The following COL5A1 variants were observed in gnomAD, a reference collection of about 807,000 sequenced individuals.
COL5A1 encodes collagen type V alpha 1 chain.
COL5A1 carries 16 observed loss-of-function variants against 263.7 expected under a neutral mutation model. That is an observed-to-expected ratio of 0.06 (90% CI 0.04 to 0.09). The LOEUF (loss-of-function observed/expected upper bound fraction) is 0.09. Among genes scored for constraint, COL5A1 ranks in the 10% least tolerant of loss-of-function variants. The pLI, the probability that COL5A1 is intolerant of heterozygous loss-of-function variation, is 1.00. For synonymous variants in COL5A1, 1,012 were observed against 1,004.5 expected (o/e 1.01, Z -0.14); for missense variants, 2,036 against 2,540.5 (o/e 0.80, Z 4.27).
intron 1 of COL5A1, among the ~76,000 whole-genome samples, chr9:134,666,638 T>C (rs556532449): frequency 2.7e-4 from 41 of 152,170 alleles, no homozygotes; most frequent in African/African-American, 9.6e-4. Flanking sequence ...GGCCTCAGGG[T>C]GGGGTAAGCT....
Position 134,657,756 on chromosome 9 carries a change from G to A in COL5A1, c.109+15460G>A, listed in dbSNP as rs574262161. Among the ~76,000 whole-genome samples the A allele has an allele frequency of 1.2e-4, 18 of 151,856 alleles. No homozygotes were observed. The South Asian group carries it at 2.1e-3, about 18-fold the overall frequency. ...TTTGCCCGGGGGTGCCAGGCCTGAC[G>A]GGGAAGGGCAGGGGGTGGGACAGGA... On this transcript the variant is annotated intron_variant, in intron 1 of 65. Transcript: ENST00000371817.
rs371867386 is a variant in COL5A1 at position 134,680,816 on chromosome 9, G to A, written c.110-10096G>A. On this transcript the variant is annotated intron_variant, in intron 1 of 65. Coordinates refer to ENST00000371817, the MANE Select transcript of COL5A1 (RefSeq NM_000093.5). This position sits in a 1 kb window ranked among gnomAD's most constrained non-coding sequence, Gnocchi z 5.9. ...CGGGACTTTGACATCAGGCAGAGGA[G>A]TTGGACGTTGATGGGAGCTTTTAGG... 6.6e-6 allele frequency among the ~76,000 whole-genome samples: 1 copy of A among 152,360 alleles called. No individual in the cohort carries two copies. The highest frequency in any genetic ancestry group is 6.5e-5 in the Admixed American group (1 of 15,308).
At chr9:134,648,305 AT>A (rs1554773583) in intron 1 of COL5A1, among the ~76,000 whole-genome samples, 2 of 74,386 alleles carry the variant, frequency 2.7e-5, no homozygotes, top group African/African-American at 1.6e-4. Flanking sequence ...TATATATATA[AT>A]ATATATATAT....
intron 43 of COL5A1, 131 bp from the exon 44 acceptor site, chr9:134,810,124 T>A: frequency 1.1e-6 from 1 of 936,246 alleles, no homozygotes; most frequent in Non-Finnish European, 1.8e-6. Context: ...AAACATTTAT[T>A]CGTAGGAAAG....
At chr9:134,688,687 C>G (rs917049786) in intron 1 of COL5A1, among the ~76,000 whole-genome samples, 1 of 152,226 alleles carries the variant, frequency 6.6e-6, no homozygotes, top group Admixed American at 6.5e-5. Context: ...TGTGCCGCCC[C>G]TCCCCTTTGT....
intron 1 of COL5A1, among the ~76,000 whole-genome samples, chr9:134,664,439 C>T (rs899059057): frequency 6.6e-6 from 1 of 152,230 alleles, no homozygotes; most frequent in African/African-American, 2.4e-5. Flanking sequence ...AGAGAATCTA[C>T]ACCTATCTGA....
rs759963647 is a variant in COL5A1, at chr9:134,772,821, A to T, written c.2318A>T (p.Glu773Val). Residue 773 changes from glutamate (E) to valine (V), a missense_variant, in exon 26 of 66, where the codon GAG becomes GTG. Glu to Val is a moderately radical substitution (Grantham distance 121). Coordinates refer to ENST00000371817, the MANE Select transcript of COL5A1 (RefSeq NM_000093.5). ...GHPGKEGPPG[E>V]KGGQGPPGPQ... ...CCTGGCAAAGAAGGCCCTCCAGGAGAGAAAGGAGGTCAGGTGGGTGCTCGC... is the reference window on the plus strand; with the variant it reads ...CCTGGCAAAGAAGGCCCTCCAGGAGTGAAAGGAGGTCAGGTGGGTGCTCGC... 6.2e-7 allele frequency: 1 copy of T among 1,613,960 alleles called. No individual in the cohort carries two copies. Among genetic ancestry groups the T allele is most frequent in the Non-Finnish European group, 8.5e-7 (1 of 1,180,026 alleles).
chr9:134,773,795 C>T (rs973712423), intron 26 of COL5A1, among the ~76,000 whole-genome samples: 4 of 152,238 alleles, frequency 2.6e-5, no homozygotes, highest in African/African-American at 9.6e-5. Flanking sequence ...ACTTCTCCAA[C>T]GTGCTGCCTC....
rs1468663692 is a variant in COL5A1 at position 134,760,384 on chromosome 9, ACACACCCC to A, written c.1936-1527_1936-1520del. Among the ~76,000 whole-genome samples, 70 of 92,376 alleles carry A rather than the reference ACACACCCC, an allele frequency of 7.6e-4. 1 individual carries two copies. Among genetic ancestry groups the A allele is most frequent in the South Asian group, 2.6e-3 (6 of 2,280 alleles). 60.6% of individuals were successfully genotyped at this position (92,376 alleles called of 152,430 possible). ...ACATACACACACACCACACATGCATACACACCCCCACACCCCCACACTCATACACACAT... is the reference window on the plus strand; with the variant it reads ...ACATACACACACACCACACATGCATACACACCCCCACACTCATACACACAT... On this transcript the variant is annotated intron_variant, in intron 18 of 65. Coordinates refer to ENST00000371817, the MANE Select transcript of COL5A1 (RefSeq NM_000093.5).
chr9:134,787,668 G>A (rs1837511721), intron 31 of COL5A1, among the ~76,000 whole-genome samples: 1 of 152,244 alleles, frequency 6.6e-6, no homozygotes, highest in Non-Finnish European at 1.5e-5. Context: ...GCTACAGTCA[G>A]TGCATAAATT....
intron 51 of COL5A1, 123 bp downstream of exon 51, chr9:134,815,752 C>T (rs1009351100): frequency 4.0e-5 from 51 of 1,283,738 alleles, no homozygotes; most frequent in Non-Finnish European, 5.1e-5. Context: ...GGCAATGTCC[C>T]AAAAGGCACT....
chr9:134,770,715 A>G (rs1367927491), intron 25 of COL5A1, among the ~76,000 whole-genome samples: 5 of 152,226 alleles, frequency 3.3e-5, no homozygotes, highest in African/African-American at 1.2e-4. Context: ...GAAAATATCA[A>G]ATACAAATAA....
Position 134,690,955 on chromosome 9 carries a change from G to T in COL5A1, c.153G>T (p.Leu51Phe). ...DLLKVLDFHN[L>F]PDGITKTTGF... The stretch of plus-strand genomic sequence containing the variant: ...TGAAGGTTCTAGATTTTCACAACTT[G>T]CCTGATGGAATAACAAAGACAACAG... The change falls in exon 2 of 66, where the codon TTG (leucine) becomes TTT (phenylalanine). Residue 51 changes from leucine to phenylalanine, a missense_variant. Around this residue, in one of 3 missense-constraint regions of COL5A1, gnomAD observed 600 missense variants for 634.5 expected, o/e 0.95. Coordinates refer to ENST00000371817, the MANE Select transcript of COL5A1 (RefSeq NM_000093.5). 1 of 1,613,868 alleles carries T rather than the reference G, an allele frequency of 6.2e-7. No individual in the cohort carries two copies. The highest frequency in any genetic ancestry group is 8.5e-7 in the Non-Finnish European group (1 of 1,180,046).
chr9:134,712,844 G>A (rs1027212479), intron 4 of COL5A1, among the ~76,000 whole-genome samples: 1 of 151,748 alleles, frequency 6.6e-6, no homozygotes, highest in Non-Finnish European at 1.5e-5. Context: ...CCTTGACCAC[G>A]GGGACCAGGT....
intron 4 of COL5A1, among the ~76,000 whole-genome samples, chr9:134,724,121 C>T (rs1263281885): frequency 1.3e-5 from 2 of 152,170 alleles, no homozygotes; most frequent in African/African-American, 4.8e-5. Context: ...TGTTGGGCCC[C>T]CACCCTGTGT....
rs767955467 is a variant in COL5A1, at chr9:134,738,457, T to C, written c.1390-17T>C. The C allele has an allele frequency of 6.8e-6, 11 of 1,609,894 alleles. No individual in the cohort carries two copies. Among genetic ancestry groups the C allele is most frequent in the Admixed American group, 3.3e-5 (2 of 59,984 alleles). ...GGATGGGCTGCGGTCTCAGACGCCC[T>C]CTCTCTGTCTCCCCAGGGCATGCTC... is the stretch of plus-strand genomic sequence containing the variant. On this transcript the variant is annotated splice_polypyrimidine_tract_variant and intron_variant, in intron 9 of 65. Coordinates refer to ENST00000371817, the MANE Select transcript of COL5A1 (RefSeq NM_000093.5).
intron 2 of COL5A1, among the ~76,000 whole-genome samples, chr9:134,694,834 A>C (rs965306303): frequency 6.6e-6 from 1 of 152,118 alleles, no homozygotes; most frequent in Non-Finnish European, 1.5e-5. Flanking sequence ...CAGTGCAGAC[A>C]TCGCCTCACG....
chr9:134,658,550 C>T (rs907272216), intron 1 of COL5A1, among the ~76,000 whole-genome samples: 2 of 152,192 alleles, frequency 1.3e-5, no homozygotes, highest in African/African-American at 4.8e-5. Flanking sequence ...GCAGCTAGGG[C>T]CTGGCCGATT....
chr9:134,772,871 C>G, intron 26 of COL5A1, 37 bp downstream of exon 26: 1 of 1,609,040 alleles, frequency 6.2e-7, no homozygotes, highest in Non-Finnish European at 8.5e-7. Flanking sequence ...CTTCAGCATC[C>G]AGGTGGGGCG....
Sources: allele counts gnomAD v4.1 joint callset (sites outside exome capture counted in the v4.1 genomes callset), GRCh38; gene constraint gnomAD v4.1.1; regional missense constraint gnomAD v4.1.1; non-coding constraint Gnocchi (gnomAD v3.1); transcripts MANE v1.5; gene names NCBI Gene and HGNC (gene_info 2026-07-23, HGNC 2026-07-21).